The following EXOC7 variants were observed in gnomAD, a reference collection of about 807,000 sequenced individuals.
EXOC7 encodes the protein exocyst complex component Exo70.
EXOC7 carries 51 observed loss-of-function variants against 87.6 expected under a neutral mutation model. That is an observed-to-expected ratio of 0.58 (90% confidence interval 0.46 to 0.73). The LOEUF (loss-of-function observed/expected upper bound fraction) is 0.73. Among genes scored for constraint, EXOC7 ranks in the 30% least tolerant of loss-of-function variants. The pLI, the probability that EXOC7 is intolerant of heterozygous loss-of-function variation, is 0.00. For synonymous variants in EXOC7, 327 were observed against 357.1 expected (o/e 0.92, Z 0.95); for missense variants, 744 against 888.4 (o/e 0.84, Z 2.07).
intron 15 of EXOC7, 184 bp downstream of exon 15, chr17:76,085,130 A>G: frequency 3.3e-6 from 2 of 602,532 alleles, no homozygotes; most frequent in Non-Finnish European, 2.9e-6. Context: ...CCCTAGGAGC[A>G]GGTAGTGGTA....
Position 76,082,648 on chromosome 17 carries a change from CT to C in EXOC7, c.*999del. On this transcript the variant is annotated 3_prime_UTR_variant, in exon 19 of 19. Coordinates refer to ENST00000589210, the MANE Select transcript of EXOC7 (RefSeq NM_001013839.4). ...TGCACCCCATGGCAGGCGGCCTAGA[CT>C]GTAAAGGGGCAGGGCCTGGGCTGCA... The C allele has an allele frequency of 6.2e-7, 1 of 1,610,450 alleles. No individual in the cohort carries two copies. Among genetic ancestry groups the C allele is most frequent in the Admixed American group, 1.7e-5 (1 of 59,646 alleles).
At chr17:76,088,165 C>T (rs1274929035) in intron 10 of EXOC7, 43 bp from the exon 11 acceptor site, 1 of 1,593,758 alleles carries the variant, frequency 6.3e-7, no homozygotes, top group Non-Finnish European at 8.6e-7. Flanking sequence ...AGCCCCCAGC[C>T]CACCCCATGC....
chr17:76,096,118 G>A (rs756625383), intron 5 of EXOC7, among the ~76,000 whole-genome samples: 2 of 152,124 alleles, frequency 1.3e-5, no homozygotes, highest in African/African-American at 4.8e-5. Context: ...CAGATACATC[G>A]CGGCCGTGAG....
rs759012463 is a variant in EXOC7 at position 76,082,482 on chromosome 17, G to A, written c.*1166C>T. On this transcript the variant is annotated 3_prime_UTR_variant, in exon 19 of 19. Coordinates refer to ENST00000589210, the MANE Select transcript of EXOC7 (RefSeq NM_001013839.4). ...CCACAGAGCCCTCCAGAGGAGTAAA[G>A]GGGTCACAGAGAAGCTGGCCTGAGA... is the stretch of plus-strand genomic sequence containing the variant. 4 of 1,612,798 alleles carry A rather than the reference G, an allele frequency of 2.5e-6. No homozygotes were observed. Among genetic ancestry groups the A allele is most frequent in the Non-Finnish European group, 3.4e-6 (4 of 1,179,434 alleles).
At chr17:76,088,029 C>T in intron 11 of EXOC7, 31 bp downstream of exon 11, 1 of 1,613,280 alleles carries the variant, frequency 6.2e-7, no homozygotes, top group Non-Finnish European at 8.5e-7. Flanking sequence ...TCCTTCCTCC[C>T]CTCTCCCTGG....
At chr17:76,101,070 C>G in intron 4 of EXOC7, 1 of 955,712 alleles carries the variant, frequency 1.0e-6, no homozygotes, top group Non-Finnish European at 1.4e-6. Context: ...AATACATTAA[C>G]AAGTTTTATA....
At chr17:76,096,288 T>C (rs1598334950) in intron 5 of EXOC7, among the ~76,000 whole-genome samples, 1 of 151,986 alleles carries the variant, frequency 6.6e-6, no homozygotes, top group Non-Finnish European at 1.5e-5. Flanking sequence ...CCGAGGCAGG[T>C]GGATCACCTG....
Position 76,103,343 on chromosome 17 carries a change from A to G in EXOC7, c.126+18T>C. On this transcript the variant is annotated intron_variant, in intron 2 of 18. Transcript: ENST00000589210. ...GGTCCGGAGGCCTGCCCTCTCCCCCAGCTGCGGGGAGACTCACCATGTTCT... is the reference window on the plus strand; with the variant it reads ...GGTCCGGAGGCCTGCCCTCTCCCCCGGCTGCGGGGAGACTCACCATGTTCT... The G allele has an allele frequency of 6.3e-7, 1 of 1,579,080 alleles. No individual in the cohort carries two copies. The highest frequency in any genetic ancestry group is 1.8e-5 in the Admixed American group (1 of 55,220).
At chr17:76,085,864 C>A in intron 13 of EXOC7, 67 bp from the exon 14 acceptor site, 3 of 1,577,214 alleles carry the variant, frequency 1.9e-6, no homozygotes, top group South Asian at 2.3e-5. Flanking sequence ...ACCCCAGGAC[C>A]CGCGAACGCG....
intron 2 of EXOC7, among the ~76,000 whole-genome samples, chr17:76,102,358 T>C (rs2068103869): frequency 6.6e-6 from 1 of 151,726 alleles, no homozygotes; most frequent in Non-Finnish European, 1.5e-5. Context: ...GAGGTTAGCT[T>C]GAGACTAGGA....
chr17:76,088,576 G>A lies in EXOC7; in HGVS notation c.1201-14C>T. On this transcript the variant is annotated splice_polypyrimidine_tract_variant and intron_variant, in intron 9 of 18. Coordinates refer to ENST00000589210, the MANE Select transcript of EXOC7 (RefSeq NM_001013839.4). Reference sequence around the variant, plus strand: ...GGCAGCCGTGCCCTGAGGAAGCACAGGGGAGCCCCCAGCTCACCTCCAGTC... The same window carrying A: ...GGCAGCCGTGCCCTGAGGAAGCACAAGGGAGCCCCCAGCTCACCTCCAGTC... The A allele has an allele frequency of 6.2e-7, 1 of 1,611,668 alleles. No individual in the cohort carries two copies. The highest frequency in any genetic ancestry group is 8.5e-7 in the Non-Finnish European group (1 of 1,178,818).
At chr17:76,084,709 C>G (rs1039194006) in intron 15 of EXOC7, 129 bp from the exon 16 acceptor site, 7 of 708,848 alleles carry the variant, frequency 9.9e-6, no homozygotes, top group Non-Finnish European at 1.4e-5. Context: ...CACAACTAAG[C>G]AAACAACAGG....
chr17:76,088,813 T>G lies in EXOC7; in HGVS notation c.1158A>C (p.Arg386=), dbSNP rs141675042. 99 of 1,613,746 alleles carry G rather than the reference T, an allele frequency of 6.1e-5. No individual in the cohort carries two copies. In the African/African-American group the frequency reaches 1.1e-3, roughly 18 times the overall value. The part of the protein sequence containing the change: ...STVLTVFPIL[R]HLKQTKPEFD... Reference sequence around the variant, plus strand: ...ACTCAGGCTTGGTCTGCTTGAGGTGTCGCAGGATGGGGAAGACGGTGAGCA... The same window carrying G: ...ACTCAGGCTTGGTCTGCTTGAGGTGGCGCAGGATGGGGAAGACGGTGAGCA... The change falls in exon 9 of 19, where the codon CGA becomes CGC. Residue 386 remains arginine (R), a synonymous_variant. Coordinates refer to ENST00000589210, the MANE Select transcript of EXOC7 (RefSeq NM_001013839.4).
At chr17:76,084,619 C>A in intron 15 of EXOC7, 39 bp from the exon 16 acceptor site, 2 of 1,593,842 alleles carry the variant, frequency 1.3e-6, no homozygotes, top group Non-Finnish European at 1.7e-6. Context: ...CAGAGGGTGG[C>A]CTGCCTCAGT....
intron 12 of EXOC7, chr17:76,087,221 CCT>C: frequency 2.6e-6 from 1 of 390,134 alleles, no homozygotes; most frequent in Non-Finnish European, 4.7e-6. Context: ...AGGCCAACCC[CCT>C]GAGCTCCAGT....
In EXOC7 at chr17:76,097,973, G is replaced by A. The variant is rs867741124; in HGVS notation, c.463C>T (p.Arg155Cys). Residue 155 changes from arginine (R) to cysteine (C), a missense_variant, in exon 5 of 19, where the codon CGC becomes TGC. Arg to Cys is a radical substitution (Grantham distance 180, BLOSUM62 -3). Around this residue, in one of 3 missense-constraint regions of EXOC7, gnomAD observed 512 missense variants for 573.0 expected, o/e 0.89. Transcript: ENST00000589210. ...RGKEALESEF[R>C]SLMTRHSKVV... is the part of the protein sequence containing the mutation. ...TTACTGTGCCGCGTCATCAGGCTGC[G>A]AAATTCGGACTCCAGGGCCTCCTTC... 2 of 1,614,128 alleles carry A rather than the reference G, an allele frequency of 1.2e-6. No homozygotes were observed. The highest frequency in any genetic ancestry group is 8.5e-7 in the Non-Finnish European group (1 of 1,180,026).
At chr17:76,098,215 C>G in intron 4 of EXOC7, 197 bp from the exon 5 acceptor site, 1 of 552,682 alleles carries the variant, frequency 1.8e-6, no homozygotes, top group Non-Finnish European at 3.2e-6. Context: ...TGGCTCACTG[C>G]AACCTCCGAC....
Position 76,085,795 on chromosome 17 carries a change from T to C in EXOC7, c.1498A>G (p.Lys500Glu), listed in dbSNP as rs1423465472. The change falls in exon 14 of 19, where the codon AAA (lysine) becomes GAA (glutamate). Residue 500 changes from lysine (K) to glutamate (E), a missense_variant and splice_region_variant. By Grantham distance (56) the Lys-to-Glu change is moderately conservative. Transcript: ENST00000589210. ...TTCAACTGCAGGTTGCCCAGCACTTTACCTGCACAGGGAAAAATGGGGCCA... is the reference window on the plus strand; with the variant it reads ...TTCAACTGCAGGTTGCCCAGCACTTCACCTGCACAGGGAAAAATGGGGCCA... ...SKRLLSTYICKVLGNLQLNLL... is the reference protein window; with the variant it reads ...SKRLLSTYICEVLGNLQLNLL... The C allele has an allele frequency of 6.2e-7, 1 of 1,611,544 alleles. No individual in the cohort carries two copies. The highest frequency in any genetic ancestry group is 1.3e-5 in the African/African-American group (1 of 74,804).
Position 76,083,623 on chromosome 17 carries a change from G to A in EXOC7, c.*25C>T. On this transcript the variant is annotated 3_prime_UTR_variant, in exon 19 of 19. Coordinates refer to ENST00000589210, the MANE Select transcript of EXOC7 (RefSeq NM_001013839.4). ...TGTCCAATGACACGCCAGTCTGGTG[G>A]AACCAGGCAGGGCTAGCAGCAGGCT... is the stretch of plus-strand genomic sequence containing the variant. The A allele has an allele frequency of 6.2e-7, 1 of 1,605,472 alleles. No individual in the cohort carries two copies. The highest frequency in any genetic ancestry group is 1.1e-5 in the South Asian group (1 of 90,904).
Sources: gnomAD v4.1 joint callset for allele counts (sites outside exome capture counted in the v4.1 genomes callset) on GRCh38, gnomAD v4.1.1 for gene constraint, gnomAD v4.1.1 regional missense constraint, MANE v1.5 for transcripts, NCBI Gene and HGNC (gene_info 2026-07-23, HGNC 2026-07-21) for gene names.